EEF1E1: variants seen among roughly 807,000 people sequenced by gnomAD.
EEF1E1 encodes eukaryotic translation elongation factor 1 epsilon-1.
A neutral mutation model predicts 19.9 loss-of-function variants in EEF1E1; 19 were observed. The ratio of observed to expected loss-of-function variants is 0.95; its 90% CI spans 0.66 to 1.40. The LOEUF is 1.40. Ranked by LOEUF, EEF1E1 falls within the 40% of genes most tolerant of loss-of-function variation. The pLI is 0.00. For synonymous variants in EEF1E1, 81 were observed against 80.0 expected, an observed-to-expected ratio of 1.01 and a Z score of -0.07; for missense variants, 198 against 202.2, an observed-to-expected ratio of 0.98 and a Z score of 0.13.
intron 2 of EEF1E1, among the ~76,000 whole-genome samples, chr6:8,095,149 G>GTT (rs1484388121): frequency 1.3e-5 from 2 of 152,264 alleles, no homozygotes; most frequent in East Asian, 3.9e-4. Flanking sequence ...AAAGGAGAGT[G>GTT]TAAGTGAATA....
intron 2 of EEF1E1, among the ~76,000 whole-genome samples, chr6:8,093,414 C>T (rs1383870317): frequency 6.9e-6 from 1 of 145,666 alleles, no homozygotes; most frequent in Non-Finnish European, 1.5e-5. Context: ...TTTTCTTTTT[C>T]CTTCCATCTA....
chr6:8,090,344 C>G lies in EEF1E1; in HGVS notation c.289-63G>C, dbSNP rs1581467383. The G allele has an allele frequency of 6.0e-6, 7 of 1,168,208 alleles. No individual in the cohort carries two copies. The South Asian group carries it at 1.7e-4, about 28-fold the overall frequency. 72.4% of individuals were successfully genotyped at this position (1,168,208 alleles called of 1,614,324 possible). On this transcript the variant is annotated intron_variant, in intron 2 of 3. Transcript: ENST00000379715. ...AAACAGTAATAATAAAGTTAATTATCATATCATGACTTAAAAGATTTAGGC... is the reference window on the plus strand; with the variant it reads ...AAACAGTAATAATAAAGTTAATTATGATATCATGACTTAAAAGATTTAGGC...
At chr6:8,093,074 A>G (rs1011594004) in intron 2 of EEF1E1, among the ~76,000 whole-genome samples, 1 of 151,888 alleles carries the variant, frequency 6.6e-6, no homozygotes, top group Non-Finnish European at 1.5e-5. Flanking sequence ...CGGTTTCACT[A>G]TGTTGGCCAG....
At chr6:8,078,158 T>C (rs1378832571), downstream of EEF1E1, among the ~76,000 whole-genome samples, 1 of 152,234 alleles carries the variant, frequency 6.6e-6, no homozygotes. Flanking sequence ...CAGCCTGTTT[T>C]GGTTTTGACA....
intron 3 of EEF1E1, among the ~76,000 whole-genome samples, chr6:8,088,971 T>C (rs1483560679): frequency 6.6e-6 from 1 of 150,638 alleles, no homozygotes; most frequent in African/African-American, 2.4e-5. Context: ...ACTGAGCCAG[T>C]ATGAGAGCCC....
At chr6:8,091,302 T>C (rs1459051849) in intron 2 of EEF1E1, among the ~76,000 whole-genome samples, 2 of 152,244 alleles carry the variant, frequency 1.3e-5, no homozygotes, top group African/African-American at 2.4e-5. Context: ...CCAGCATCTT[T>C]TCATATGCTT....
chr6:8,076,064 A>G (rs1757580662), downstream of EEF1E1, among the ~76,000 whole-genome samples: 1 of 152,074 alleles, frequency 6.6e-6, no homozygotes, highest in Non-Finnish European at 1.5e-5. Context: ...TTCTCTTGTT[A>G]TTTCCACCAC....
chr6:8,078,670 T>C, downstream of EEF1E1: 1 of 1,280,456 alleles, frequency 7.8e-7, no homozygotes, highest in Non-Finnish European at 1.0e-6. Flanking sequence ...CCTGACTCAG[T>C]CACTTCAGAG....
chr6:8,101,979 T>C lies in EEF1E1; in HGVS notation c.87+456A>G, dbSNP rs74471300. The stretch of plus-strand genomic sequence containing the variant: ...AAGCTGCCTGAGAGGAGGAAGCATG[T>C]TCCCCTAAATCATCATTGTATTCCC... On this transcript the variant is annotated intron_variant, in intron 1 of 3. Transcript: ENST00000379715. 8,813 of 1,245,150 alleles carry C rather than the reference T, an allele frequency of 7.1e-3. 384 individuals are homozygous for C. In the African/African-American group the frequency reaches 0.1, roughly 14 times the overall value. The allele number at this position is 1,245,150 out of a possible 1,614,324, so 77.1% of individuals were successfully genotyped here.
At chr6:8,088,908 TAAGG>T (rs994873326) in intron 3 of EEF1E1, among the ~76,000 whole-genome samples, 4 of 150,144 alleles carry the variant, frequency 2.7e-5, no homozygotes, top group Non-Finnish European at 5.9e-5. Flanking sequence ...GGAAGGGGCT[TAAGG>T]AAGGAAGTAA....
intron 2 of EEF1E1, among the ~76,000 whole-genome samples, chr6:8,092,781 TTTAAAGACCTGAAAC>T (rs1758048436): frequency 6.6e-6 from 1 of 151,026 alleles, no homozygotes; most frequent in African/African-American, 2.4e-5. Context: ...TCAAGAAGTA[TTTAAAGACCTGAAAC>T]AATAACAGTT....
At chr6:8,089,756 TG>T (rs1471503965) in intron 3 of EEF1E1, among the ~76,000 whole-genome samples, 1 of 152,120 alleles carries the variant, frequency 6.6e-6, no homozygotes, top group African/African-American at 2.4e-5. Context: ...ACACAGAAGA[TG>T]GGGTACTGGA....
chr6:8,094,777 C>T (rs1379268021), intron 2 of EEF1E1, among the ~76,000 whole-genome samples: 4 of 152,100 alleles, frequency 2.6e-5, no homozygotes, highest in African/African-American at 7.2e-5. Flanking sequence ...AAGACAAACC[C>T]GTGCTCTTCT....
chr6:8,078,500 C>G, downstream of EEF1E1: 1 of 309,338 alleles, frequency 3.2e-6, no homozygotes, highest in Non-Finnish European at 5.1e-6. Context: ...TGAGAATTAC[C>G]AAAATGTGAC....
At chr6:8,073,635 A>T (rs1757531209) in intron 3 of EEF1E1, 2 of 1,334,704 alleles carry the variant, frequency 1.5e-6, no homozygotes, top group Admixed American at 5.5e-5. Context: ...CAGATATTTT[A>T]AAAAGTATTA....
chr6:8,097,163 G>A (rs1758198822), intron 2 of EEF1E1, 104 bp downstream of exon 2: 1 of 1,104,814 alleles, frequency 9.1e-7, no homozygotes, highest in Non-Finnish European at 1.4e-6. Context: ...GAGGCAGAAG[G>A]AAAGAGGTGA....
chr6:8,076,053 C>T (rs1757580323), downstream of EEF1E1, among the ~76,000 whole-genome samples: 1 of 152,152 alleles, frequency 6.6e-6, no homozygotes, highest in Admixed American at 6.6e-5. Context: ...TCTAATTTTA[C>T]TTCTCTTGTT....
At chr6:8,101,243 A>AAAAAAT (rs1271033598) in intron 1 of EEF1E1, among the ~76,000 whole-genome samples, 60 of 58,456 alleles carry the variant, frequency 1.0e-3, no homozygotes, top group East Asian at 2.6e-3. Flanking sequence ...AAAAAAAAAA[A>AAAAAAT]ATATATATAT....
At position 8,098,168 on chromosome 6, in the gene EEF1E1, G is replaced by A. The variant is rs147295275; in HGVS notation, c.88-701C>T. Among the ~76,000 whole-genome samples, 4 of 151,556 alleles carry A rather than the reference G, an allele frequency of 2.6e-5. No individual in the cohort carries two copies. The East Asian group carries it at 7.7e-4, about 29-fold the overall frequency. On this transcript the variant is annotated intron_variant, in intron 1 of 3. Transcript: ENST00000379715. The stretch of plus-strand genomic sequence containing the variant: ...GGAATCGCACTCTGTCACCCAAGCT[G>A]GAGTGCAGTGGCATGGTCTCGGCTC...
Sources: gnomAD v4.1 joint callset for allele counts (sites outside exome capture counted in the v4.1 genomes callset) on GRCh38, gnomAD v4.1.1 for gene constraint, MANE v1.5 for transcripts, NCBI Gene and HGNC (gene_info 2026-07-23, HGNC 2026-07-21) for gene names.